Variants in MIPEP observed in about 807,000 individuals in gnomAD.
MIPEP encodes the protein mitochondrial intermediate peptidase.
In MIPEP, 79 loss-of-function variants were observed where a neutral mutation model predicts 90.3. The ratio of observed to expected loss-of-function variants is 0.87; its 90% CI spans 0.73 to 1.05. The LOEUF is 1.05. Ranked by LOEUF, MIPEP falls within the 50% of genes least tolerant of loss-of-function variation. The pLI, the probability that MIPEP is intolerant of heterozygous loss-of-function variation, is 0.00. For missense variants in MIPEP, 940 were observed against 905.6 expected, an observed-to-expected ratio of 1.04 and a Z score of -0.49; for synonymous variants, 334 against 315.8, an observed-to-expected ratio of 1.06 and a Z score of -0.61.
At chr13:23,833,467 C>T (rs1868866559) in intron 14 of MIPEP, among the ~76,000 whole-genome samples, 1 of 152,182 alleles carries the variant, frequency 6.6e-6, no homozygotes, top group Non-Finnish European at 1.5e-5. Context: ...TTCAAAGCAG[C>T]TTAGTGCTTT....
chr13:23,814,326 G>A (rs891195208), intron 14 of MIPEP, among the ~76,000 whole-genome samples: 1 of 152,110 alleles, frequency 6.6e-6, no homozygotes. Context: ...GCACAATCTC[G>A]GCCCACTGCA....
intron 18 of MIPEP, among the ~76,000 whole-genome samples, chr13:23,735,969 T>C (rs1439280577): frequency 6.6e-6 from 1 of 152,228 alleles, no homozygotes; most frequent in Non-Finnish European, 1.5e-5. Context: ...ATTTGGATTT[T>C]GTATATGGCC....
Position 23,758,864 on chromosome 13 carries a change from T to A in MIPEP, c.1970+1232A>T, listed in dbSNP as rs149966037. On this transcript the variant is annotated intron_variant, in intron 17 of 18. Transcript: ENST00000382172. ...AAACCAGGAATGAGAAGACCTAGAT[T>A]ATAGTCTTAGTCCAGTTTTTAATGG... is the stretch of plus-strand genomic sequence containing the variant. Among the ~76,000 whole-genome samples the A allele has an allele frequency of 2.8e-3, 426 of 152,264 alleles. 4 individuals are homozygous for A. The highest frequency in any genetic ancestry group is 3.6e-3 in the Non-Finnish European group (248 of 68,010).
rs557423436 is a variant in MIPEP at position 23,787,300 on chromosome 13, G to C, written c.1848+18650C>G. 1.6e-4 allele frequency among the ~76,000 whole-genome samples: 25 copies of C among 152,300 alleles called. 1 individual carries two copies. The South Asian group carries it at 4.8e-3, about 29-fold the overall frequency. ...AAGAATCCAGGCACCAGCAGATCCA[G>C]TGTCTGATGACGGCCTGCTTCCAGT... On this transcript the variant is annotated intron_variant, in intron 16 of 18. Transcript: ENST00000382172.
chr13:23,879,443 A>C, intron 3 of MIPEP, 89 bp from the exon 4 acceptor site: 1 of 701,356 alleles, frequency 1.4e-6, no homozygotes, highest in Non-Finnish European at 2.5e-6. Context: ...AGCTTGTACC[A>C]CACACATGCC....
At chr13:23,755,488 A>G (rs926800713) in intron 18 of MIPEP, among the ~76,000 whole-genome samples, 2 of 152,244 alleles carry the variant, frequency 1.3e-5, no homozygotes, top group Non-Finnish European at 2.9e-5. Context: ...GACACACTCA[A>G]TTACTACAAT....
chr13:23,787,718 ATC>A (rs1295376457), intron 16 of MIPEP, among the ~76,000 whole-genome samples: 4 of 152,184 alleles, frequency 2.6e-5, no homozygotes, highest in Admixed American at 2.6e-4. Flanking sequence ...CTCCAAGAAT[ATC>A]TCTTTTAGGA....
At chr13:23,833,817 G>C (rs1335880905) in intron 14 of MIPEP, among the ~76,000 whole-genome samples, 2 of 152,006 alleles carry the variant, frequency 1.3e-5, no homozygotes, top group African/African-American at 4.8e-5. Flanking sequence ...CTGTGTTCGC[G>C]CCCCTCGCCA....
intron 16 of MIPEP, among the ~76,000 whole-genome samples, chr13:23,787,369 G>T (rs572759260): frequency 2.0e-5 from 3 of 150,758 alleles, no homozygotes; most frequent in South Asian, 4.2e-4. Flanking sequence ...ATGGTAGGGT[G>T]GGGGGAGAGA....
chr13:23,837,907 C>G, intron 12 of MIPEP, 151 bp from the exon 13 acceptor site: 1 of 571,586 alleles, frequency 1.7e-6, no homozygotes, highest in South Asian at 2.8e-5. Flanking sequence ...CATATATACA[C>G]CTTTTCTTGA....
chr13:23,750,445 T>C (rs1481691694), intron 18 of MIPEP, among the ~76,000 whole-genome samples: 1 of 152,242 alleles, frequency 6.6e-6, no homozygotes, highest in African/African-American at 2.4e-5. Context: ...TTAGGCAGTT[T>C]GCAGAATGTC....
intron 18 of MIPEP, among the ~76,000 whole-genome samples, chr13:23,734,339 T>C (rs1022197067): frequency 2.0e-5 from 3 of 152,200 alleles, no homozygotes; most frequent in African/African-American, 4.8e-5. Flanking sequence ...TCCTTGTATC[T>C]AAGCTGGCAT....
intron 18 of MIPEP, among the ~76,000 whole-genome samples, chr13:23,755,320 T>C (rs1952480712): frequency 6.6e-6 from 1 of 152,186 alleles, no homozygotes; most frequent in South Asian, 2.1e-4. Flanking sequence ...TCACAAATAT[T>C]TGCTGAATAA....
chr13:23,874,996 T>G, intron 4 of MIPEP, 87 bp from the exon 5 acceptor site: 1 of 1,082,058 alleles, frequency 9.2e-7, no homozygotes, highest in South Asian at 1.6e-5. Context: ...AAATAAGTCT[T>G]TTTCAGCCTC....
intron 14 of MIPEP, among the ~76,000 whole-genome samples, chr13:23,832,181 G>T (rs1868801401): frequency 6.6e-6 from 1 of 152,158 alleles, no homozygotes; most frequent in Non-Finnish European, 1.5e-5. Context: ...CATGGGAGTG[G>T]GACTGCTGGC....
chr13:23,785,217 T>C (rs1367622389), intron 16 of MIPEP, among the ~76,000 whole-genome samples: 1 of 152,078 alleles, frequency 6.6e-6, no homozygotes, highest in Non-Finnish European at 1.5e-5. Context: ...CTATTCACAA[T>C]AGCAAAGACT....
At chr13:23,769,657 G>C (rs931328290) in intron 16 of MIPEP, among the ~76,000 whole-genome samples, 1 of 152,204 alleles carries the variant, frequency 6.6e-6, no homozygotes, top group African/African-American at 2.4e-5. Flanking sequence ...GTCTCCGCCT[G>C]CCGTGGGGAA....
intron 11 of MIPEP, among the ~76,000 whole-genome samples, chr13:23,840,756 G>A (rs1869258708): frequency 6.6e-6 from 1 of 152,112 alleles, no homozygotes; most frequent in Non-Finnish European, 1.5e-5. Context: ...ACAATACAAA[G>A]CCTTAGTGAC....
At chr13:23,801,736 C>T (rs932936723) in intron 16 of MIPEP, among the ~76,000 whole-genome samples, 2 of 152,150 alleles carry the variant, frequency 1.3e-5, no homozygotes, top group Non-Finnish European at 2.9e-5. Context: ...TTACCTTATG[C>T]TTGTTAGGCT....
Sources: allele counts gnomAD v4.1 joint callset (sites outside exome capture counted in the v4.1 genomes callset), GRCh38; gene constraint gnomAD v4.1.1; transcripts MANE v1.5; gene names NCBI Gene and HGNC (gene_info 2026-07-23, HGNC 2026-07-21).